ZCCHC14: variants seen among roughly 807,000 people sequenced by gnomAD.
ZCCHC14 encodes the protein zinc finger CCHC domain-containing protein 14.
In ZCCHC14, 16 loss-of-function variants were observed where a neutral mutation model predicts 85.0. The observed-to-expected ratio is 0.19, with a 90% CI of 0.13 to 0.29. The LOEUF is 0.29. Ranked by LOEUF, ZCCHC14 falls within the 10% of genes least tolerant of loss-of-function variation. ZCCHC14 has a pLI of 1.00. For missense variants in ZCCHC14, 1,303 were observed against 1,443.5 expected (o/e 0.90, Z 1.58); for synonymous variants, 775 against 630.7 (o/e 1.23, Z -3.43).
At chr16:87,486,465 T>G (rs1021144867) in intron 1 of ZCCHC14, among the ~76,000 whole-genome samples, 1 of 152,172 alleles carries the variant, frequency 6.6e-6, no homozygotes, top group African/African-American at 2.4e-5. Context: ...GGCCCAGAGG[T>G]GTAGCGGGTT....
At chr16:87,452,905 A>G (rs1021710068) in intron 2 of ZCCHC14, among the ~76,000 whole-genome samples, 4 of 152,154 alleles carry the variant, frequency 2.6e-5, no homozygotes, top group South Asian at 2.1e-4. Context: ...GACAGGGAGG[A>G]GGGCTCAGGT....
At chr16:87,417,317 C>G in intron 8 of ZCCHC14, 143 bp downstream of exon 8, 1 of 1,263,218 alleles carries the variant, frequency 7.9e-7, no homozygotes, top group Non-Finnish European at 1.1e-6. Context: ...CCGCAAAGCC[C>G]ACCGTCTCCC....
At chr16:87,418,180 C>G (rs1265831279) in intron 7 of ZCCHC14, among the ~76,000 whole-genome samples, 4 of 152,214 alleles carry the variant, frequency 2.6e-5, no homozygotes, top group African/African-American at 9.7e-5. Flanking sequence ...CAGAATGACA[C>G]TGATAAATCA....
intron 2 of ZCCHC14, among the ~76,000 whole-genome samples, chr16:87,441,211 C>G (rs1012213496): frequency 6.6e-6 from 1 of 151,850 alleles, no homozygotes. Context: ...CCAGGATGGT[C>G]TCGATCTCCC....
rs191245403 is a variant in ZCCHC14, at chr16:87,414,281, G to C, written c.1603+133C>G. The C allele has an allele frequency of 1.1e-3, 1,376 of 1,296,524 alleles. 60 individuals are homozygous for C. The African/African-American group carries it at 0.016, about 15-fold the overall frequency. The allele number at this position is 1,296,524 out of a possible 1,614,324, so 80.3% of individuals were successfully genotyped here. On this transcript the variant is annotated intron_variant, in intron 10 of 12. Transcript: ENST00000671377. ...CGAGTAACCCACCTGCCCGGCACAC[G>C]GGCCCTCTCTGTGTACGAGTAACCC...
At position 87,420,938 on chromosome 16, in the gene ZCCHC14, CA is replaced by C. The variant is rs1909063576; in HGVS notation, c.841-223del. 1.3e-5 allele frequency among the ~76,000 whole-genome samples: 2 copies of C among 152,260 alleles called. No individual in the cohort carries two copies. Among genetic ancestry groups the C allele is most frequent in the African/African-American group, 4.8e-5 (2 of 41,470 alleles). Reference sequence around the variant, plus strand: ...CACAGTTACATCCGGAAAAGCTTGACAATCTGCACAATCACAATGTTCCTTG... The same window carrying C: ...CACAGTTACATCCGGAAAAGCTTGACATCTGCACAATCACAATGTTCCTTG... On this transcript the variant is annotated intron_variant, in intron 4 of 12. Transcript: ENST00000671377. This position sits in a 1 kb window ranked among gnomAD's most constrained non-coding sequence, Gnocchi z 5.0.
chr16:87,413,007 A>C lies in ZCCHC14; in HGVS notation c.1745-31T>G, dbSNP rs185804207. The C allele has an allele frequency of 1.4e-4, 229 of 1,614,048 alleles. No individual in the cohort carries two copies. The African/African-American group carries it at 2.6e-3, about 18-fold the overall frequency. Reference sequence around the variant, plus strand: ...GAGGGAAACAAGAGTGGTCAGTGCCATTCCACAGCTGGGCCAGGTCGAGCC... The same window carrying C: ...GAGGGAAACAAGAGTGGTCAGTGCCCTTCCACAGCTGGGCCAGGTCGAGCC... On this transcript the variant is annotated intron_variant, in intron 11 of 12. Transcript: ENST00000671377.
intron 2 of ZCCHC14, among the ~76,000 whole-genome samples, chr16:87,449,681 T>G (rs1176662771): frequency 6.6e-6 from 1 of 152,304 alleles, no homozygotes; most frequent in Non-Finnish European, 1.5e-5. Flanking sequence ...CTTCAACAAT[T>G]TACAAAATTA....
At chr16:87,444,167 T>C (rs1048938414) in intron 2 of ZCCHC14, among the ~76,000 whole-genome samples, 2 of 152,102 alleles carry the variant, frequency 1.3e-5, no homozygotes, top group African/African-American at 4.8e-5. Flanking sequence ...AGCATCAGAT[T>C]TTGGCTTCTA....
intron 3 of ZCCHC14, among the ~76,000 whole-genome samples, chr16:87,425,927 G>A (rs1391669378): frequency 6.6e-6 from 1 of 152,234 alleles, no homozygotes; most frequent in African/African-American, 2.4e-5. Flanking sequence ...GGTATGGACA[G>A]ATCATCTTAT....
At chr16:87,416,844 T>C (rs185459497) in intron 8 of ZCCHC14, among the ~76,000 whole-genome samples, 116 of 152,328 alleles carry the variant, frequency 7.6e-4, no homozygotes, top group African/African-American at 2.5e-3. Context: ...AGTAAAAGCT[T>C]GATTTCTAGG....
intron 1 of ZCCHC14, chr16:87,467,078 T>TC: frequency 2.0e-6 from 1 of 497,294 alleles, no homozygotes; most frequent in Non-Finnish European, 3.6e-6. Context: ...AGAGACAGGG[T>TC]CCCGCTATGT....
In ZCCHC14 at chr16:87,412,919, T is replaced by C; in HGVS notation, c.1802A>G (p.His601Arg). ...DKEKPVMLLN[H>R]FTSSSARPTA... Reference sequence around the variant, plus strand: ...GGGTCTGGCGGAACTGGAAGTGAAGTGATTCAGCAGCATCACCGGCTTCTC... The same window carrying C: ...GGGTCTGGCGGAACTGGAAGTGAAGCGATTCAGCAGCATCACCGGCTTCTC... Residue 601 changes from histidine (H) to arginine (R), a missense_variant, in exon 12 of 13, where the codon CAC (histidine) becomes CGC (arginine). Physicochemically the swap from His to Arg is conservative, Grantham distance 29. Coordinates refer to ENST00000671377, the MANE Select transcript of ZCCHC14 (RefSeq NM_015144.3). The C allele has an allele frequency of 1.9e-6, 3 of 1,601,048 alleles. No individual in the cohort carries two copies. Among genetic ancestry groups the C allele is most frequent in the Non-Finnish European group, 2.6e-6 (3 of 1,172,840 alleles).
Position 87,492,384 on chromosome 16 carries a change from G to A in ZCCHC14, c.-146C>T, listed in dbSNP as rs1231240775. ...GGGCGAGGGCGCGCGGGCGCCGCGG[G>A]CCGGGCGGGCGCCGGGGCGGGGGCG... is the stretch of plus-strand genomic sequence containing the variant. On this transcript the variant is annotated 5_prime_UTR_variant, in exon 1 of 13. Transcript: ENST00000671377. The surrounding 1 kb of genome is among the most constrained non-coding windows in gnomAD (Gnocchi z 6.7). 2.7e-5 allele frequency: 4 copies of A among 146,266 alleles called. No individual in the cohort carries two copies. Among genetic ancestry groups the A allele is most frequent in the East Asian group, 2.0e-4 (1 of 4,908 alleles). The allele number at this position is 146,266 out of a possible 1,614,324, so 9.1% of individuals were successfully genotyped here.
chr16:87,471,536 C>T (rs1911772764), intron 1 of ZCCHC14: 2 of 152,300 alleles, frequency 1.3e-5, no homozygotes, highest in Admixed American at 1.3e-4. Flanking sequence ...ATCTCTTTCA[C>T]AAATAGCCAC....
Position 87,406,289 on chromosome 16 carries a change from C to G in ZCCHC14, c.*3991G>C, listed in dbSNP as rs1228852148. 1 of 152,482 alleles carries G rather than the reference C, an allele frequency of 6.6e-6. No individual in the cohort carries two copies. Among genetic ancestry groups the G allele is most frequent in the Non-Finnish European group, 1.5e-5 (1 of 68,024 alleles). The allele number at this position is 152,482 out of a possible 1,614,324, so 9.4% of individuals were successfully genotyped here. On this transcript the variant is annotated 3_prime_UTR_variant, in exon 13 of 13. Transcript: ENST00000671377. ...TTATTTTCAGTACATTAAATTTACT[C>G]ATAAAAACATTCTAAAAATGTACAA...
chr16:87,464,146 C>T (rs1043488388), intron 1 of ZCCHC14, among the ~76,000 whole-genome samples: 45 of 152,226 alleles, frequency 3.0e-4, no homozygotes, highest in Non-Finnish European at 1.2e-4. Flanking sequence ...GGAAAGCCAG[C>T]CTCCCAACTC....
chr16:87,487,797 T>C (rs1305595087), intron 1 of ZCCHC14, among the ~76,000 whole-genome samples: 2 of 151,996 alleles, frequency 1.3e-5, no homozygotes, highest in East Asian at 3.9e-4. Flanking sequence ...GGAACGCCAC[T>C]CGGCAGCGAA....
At chr16:87,432,932 C>T (rs1255577925) in intron 3 of ZCCHC14, among the ~76,000 whole-genome samples, 196 bp downstream of exon 3, 2 of 151,970 alleles carry the variant, frequency 1.3e-5, no homozygotes, top group Non-Finnish European at 2.9e-5. Context: ...CCACCCTTCC[C>T]GCCTGCAGAG....
Sources: allele counts gnomAD v4.1 joint callset (sites outside exome capture counted in the v4.1 genomes callset), GRCh38; gene constraint gnomAD v4.1.1; non-coding constraint Gnocchi (gnomAD v3.1); transcripts MANE v1.5; gene names NCBI Gene and HGNC (gene_info 2026-07-23, HGNC 2026-07-21).